Variants in FRY observed in about 807,000 individuals in gnomAD.
FRY encodes protein furry homolog.
In FRY, 128 loss-of-function variants were observed where a neutral mutation model predicts 348.4. The ratio of observed to expected loss-of-function variants is 0.37; its 90% CI spans 0.32 to 0.43. FRY has a LOEUF of 0.43. FRY is among the 20% of genes least tolerant of loss of function. The pLI is 1.00. For missense variants in FRY, 2,736 were observed against 3,695.2 expected (o/e 0.74, Z 6.73); for synonymous variants, 1,370 against 1,374.7 (o/e 1.00, Z 0.08).
chr13:32,204,424 A>G (rs1884232988), intron 31 of FRY, among the ~76,000 whole-genome samples: 2 of 152,344 alleles, frequency 1.3e-5, no homozygotes, highest in Admixed American at 1.3e-4. Flanking sequence ...TCTTCCTCCA[A>G]AGCCATTGCT....
chr13:32,208,903 C>T lies in FRY; in HGVS notation c.4069C>T (p.Leu1357Phe), dbSNP rs2138351918. Residue 1357 changes from leucine to phenylalanine, a missense_variant, in exon 32 of 61, where the codon CTT (leucine) becomes TTT (phenylalanine). By Grantham distance (22) the Leu-to-Phe change is conservative. Coordinates refer to ENST00000542859, the MANE Select transcript of FRY (RefSeq NM_023037.3). ...TTHPNGRQIMLTYLLPWLHNI... is the reference protein window; with the variant it reads ...TTHPNGRQIMFTYLLPWLHNI... ...ACACCCCAACGGGCGCCAGATCATG[C>T]TTACCTACCTGCTGCCCTGGCTGCA... is the stretch of plus-strand genomic sequence containing the variant. 1.9e-6 allele frequency: 3 copies of T among 1,614,214 alleles called. No individual in the cohort carries two copies. Among genetic ancestry groups the T allele is most frequent in the Non-Finnish European group, 2.5e-6 (3 of 1,180,018 alleles).
intron 11 of FRY, among the ~76,000 whole-genome samples, chr13:32,137,843 A>G (rs182787640): frequency 2.2e-3 from 330 of 151,926 alleles, no homozygotes; most frequent in African/African-American, 7.5e-3. Context: ...TTTTTTTTCT[A>G]TGATGCTTTA....
At chr13:32,247,857 C>A (rs1886886402) in intron 48 of FRY, among the ~76,000 whole-genome samples, 1 of 152,170 alleles carries the variant, frequency 6.6e-6, no homozygotes, top group African/African-American at 2.4e-5. Context: ...TGAATGACAG[C>A]CAGTTCAGCA....
intron 41 of FRY, 55 bp downstream of exon 41, chr13:32,231,355 C>T (rs1885906371): frequency 6.4e-7 from 1 of 1,568,082 alleles, no homozygotes; most frequent in Non-Finnish European, 8.8e-7. Flanking sequence ...GTAATGGACA[C>T]TGTCTCTATA....
chr13:32,213,017 C>A (rs933144562), intron 35 of FRY, among the ~76,000 whole-genome samples: 23 of 152,000 alleles, frequency 1.5e-4, no homozygotes, highest in African/African-American at 5.6e-4. Flanking sequence ...AAAAACAAAA[C>A]TCAATTTAAA....
At chr13:32,291,757 T>C (rs1005205855) in intron 59 of FRY, among the ~76,000 whole-genome samples, 8 of 152,138 alleles carry the variant, frequency 5.3e-5, no homozygotes, top group African/African-American at 1.4e-4. Context: ...AGTCAAAATA[T>C]CAACATTAGC....
intron 20 of FRY, among the ~76,000 whole-genome samples, chr13:32,177,760 G>A (rs1162032901): frequency 6.6e-6 from 1 of 152,118 alleles, no homozygotes; most frequent in Non-Finnish European, 1.5e-5. Flanking sequence ...CTTTAAGAAC[G>A]TGTTAATTAC....
intron 1 of FRY, chr13:32,038,653 AAT>A (rs1448832768): frequency 4.6e-5 from 7 of 152,196 alleles, no homozygotes; most frequent in African/African-American, 1.7e-4. Context: ...TGAATAAGAG[AAT>A]GCTTTCTCTT....
intron 1 of FRY, among the ~76,000 whole-genome samples, chr13:32,059,026 G>A (rs1873786541): frequency 6.6e-6 from 1 of 152,136 alleles, no homozygotes; most frequent in African/African-American, 2.4e-5. Context: ...GTTACTGTGA[G>A]GACTTAGTGA....
At chr13:32,084,423 C>A (rs1178593235) in intron 2 of FRY, among the ~76,000 whole-genome samples, 2 of 152,118 alleles carry the variant, frequency 1.3e-5, no homozygotes, top group Non-Finnish European at 2.9e-5. Context: ...TGCCACCATG[C>A]GTTTATGCAT....
chr13:32,152,414 G>A (rs972327956), intron 14 of FRY, among the ~76,000 whole-genome samples: 1 of 152,150 alleles, frequency 6.6e-6, no homozygotes, highest in Non-Finnish European at 1.5e-5. Flanking sequence ...AGTATTGGCA[G>A]AAGGATGAAT....
Position 32,244,001 on chromosome 13 carries a change from T to C in FRY, c.6688-41T>C, listed in dbSNP as rs374966236. ...AAACACGGGTCCTTCCATACGGAGA[T>C]CTGGTGTGTGACTGACTCCAGCCGC... is the stretch of plus-strand genomic sequence containing the variant. On this transcript the variant is annotated intron_variant, in intron 46 of 60. Transcript: ENST00000542859. 376 of 1,609,334 alleles carry C rather than the reference T, an allele frequency of 2.3e-4. 1 individual carries two copies. The highest frequency in any genetic ancestry group is 3.0e-4 in the Non-Finnish European group (355 of 1,177,136).
chr13:32,260,675 G>GACC lies in FRY; in HGVS notation c.7417-939_7417-937dup, dbSNP rs538764708. Reference sequence around the variant, plus strand: ...GGATCACTTGAGGTCAAGAGTTCAAGACCAGCCTGGCAACATGGCAAAATC... The same window carrying GACC: ...GGATCACTTGAGGTCAAGAGTTCAAGACCACCAGCCTGGCAACATGGCAAAATC... On this transcript the variant is annotated intron_variant, in intron 51 of 60. Coordinates refer to ENST00000542859, the MANE Select transcript of FRY (RefSeq NM_023037.3). 1.6e-4 allele frequency among the ~76,000 whole-genome samples: 24 copies of GACC among 149,302 alleles called. No homozygotes were observed. In the East Asian group the frequency reaches 4.6e-3, roughly 29 times the overall value.
chr13:32,253,180 G>A (rs189107636), intron 50 of FRY, among the ~76,000 whole-genome samples: 4 of 152,250 alleles, frequency 2.6e-5, no homozygotes, highest in African/African-American at 4.8e-5. Context: ...CTCATGTCTC[G>A]TCTCTCACTG....
In FRY at chr13:32,295,396, C is replaced by A. The variant is rs754618768; in HGVS notation, c.8978C>A (p.Ala2993Asp). The A allele has an allele frequency of 6.2e-7, 1 of 1,612,812 alleles. No individual in the cohort carries two copies. The highest frequency in any genetic ancestry group is 8.5e-7 in the Non-Finnish European group (1 of 1,179,870). The change falls in exon 61 of 61, where the codon GCC becomes GAC. Residue 2993 changes from alanine (A) to aspartate (D), a missense_variant. Coordinates refer to ENST00000542859, the MANE Select transcript of FRY (RefSeq NM_023037.3). Reference protein sequence around the residue: ...NMEIRDMIRRAQSYRVLTTFL... With the variant: ...NMEIRDMIRRDQSYRVLTTFL... ...GAGATCCGGGACATGATCCGCAGGG[C>A]CCAGAGTTACCGAGTCCTCACTACT...
chr13:32,199,160 C>A (rs1239307203), intron 29 of FRY, among the ~76,000 whole-genome samples: 2 of 152,150 alleles, frequency 1.3e-5, no homozygotes, highest in Non-Finnish European at 2.9e-5. Context: ...CTCAGTCATT[C>A]CCACTGGGGC....
At chr13:32,057,741 C>T (rs1193435745) in intron 1 of FRY, among the ~76,000 whole-genome samples, 1 of 152,080 alleles carries the variant, frequency 6.6e-6, no homozygotes, top group African/African-American at 2.4e-5. Context: ...AGGCAGATCA[C>T]GAGGTCAGGA....
intron 11 of FRY, among the ~76,000 whole-genome samples, chr13:32,139,561 G>A (rs1287590329): frequency 1.3e-5 from 2 of 152,236 alleles, no homozygotes; most frequent in Admixed American, 6.5e-5. Flanking sequence ...CTCACTTAAT[G>A]TCAGTGCCCT....
At chr13:32,217,548 T>A (rs1401249505) in intron 35 of FRY, among the ~76,000 whole-genome samples, 1 of 152,178 alleles carries the variant, frequency 6.6e-6, no homozygotes, top group Non-Finnish European at 1.5e-5. Flanking sequence ...ATGATGCCCT[T>A]TTTGCAATTG....
Sources: gnomAD v4.1 joint callset for allele counts (sites outside exome capture counted in the v4.1 genomes callset) on GRCh38, gnomAD v4.1.1 for gene constraint, MANE v1.5 for transcripts, NCBI Gene and HGNC (gene_info 2026-07-23, HGNC 2026-07-21) for gene names.